Variants in KBTBD8 observed in about 807,000 individuals in gnomAD.
The protein encoded by KBTBD8 is kelch repeat and BTB domain containing 8, also known as kelch repeat and BTB domain-containing protein 8.
In KBTBD8, 31 loss-of-function variants were observed where a neutral mutation model predicts 53.5. The ratio of observed to expected loss-of-function variants is 0.58; its 90% CI spans 0.44 to 0.78. KBTBD8 has a LOEUF of 0.78. Ranked by LOEUF, KBTBD8 falls within the 30% of genes least tolerant of loss-of-function variation. The probability of loss-of-function intolerance (pLI) is 0.00; values close to 1 mark genes in which losing one functional copy is unlikely to be tolerated. For synonymous variants in KBTBD8, 250 were observed against 247.3 expected (o/e 1.01, Z -0.10); for missense variants, 642 against 735.8 (o/e 0.87, Z 1.48).
At position 66,999,127 on chromosome 3, in the gene KBTBD8, G is replaced by A; in HGVS notation, c.163G>A (p.Val55Met). Residue 55 changes from valine to methionine, a missense_variant, in exon 2 of 4, where the codon GTG becomes ATG. Coordinates refer to ENST00000417314, the MANE Select transcript of KBTBD8 (RefSeq NM_032505.3). ...EGQLTDIVVEVDHGKTFSCHR... is the reference protein window; with the variant it reads ...EGQLTDIVVEMDHGKTFSCHR... Reference sequence around the variant, plus strand: ...ACAGTTGACAGACATTGTAGTGGAAGTGGATCACGGGAAAACATTTTCCTG... The same window carrying A: ...ACAGTTGACAGACATTGTAGTGGAAATGGATCACGGGAAAACATTTTCCTG... 6.2e-7 allele frequency: 1 copy of A among 1,614,194 alleles called. No homozygotes were observed. Among genetic ancestry groups the A allele is most frequent in the Non-Finnish European group, 8.5e-7 (1 of 1,180,020 alleles).
At position 67,004,029 on chromosome 3, in the gene KBTBD8, TA is replaced by T; in HGVS notation, c.1064del (p.Lys355ArgfsTer27). On this transcript the variant is annotated frameshift_variant, in exon 3 of 4. Transcript: ENST00000417314. LOFTEE classifies it high-confidence loss of function. Reference sequence around the variant, plus strand: ...GCAGCAGTGAGGTCTCCATCGACCATAAGGCAGAAAATGATTTCTGGATGTA... The same window carrying T: ...GCAGCAGTGAGGTCTCCATCGACCATAGGCAGAAAATGATTTCTGGATGTA... ...PSSSEVSIDH[K>X]AENDFWMYDH... is the part of the protein sequence containing the mutation. 1 of 1,614,164 alleles carries T rather than the reference TA, an allele frequency of 6.2e-7. No individual in the cohort carries two copies. The highest frequency in any genetic ancestry group is 2.2e-5 in the East Asian group (1 of 44,878).
At chr3:67,000,507 T>A (rs1252308864) in intron 2 of KBTBD8, among the ~76,000 whole-genome samples, 1 of 152,196 alleles carries the variant, frequency 6.6e-6, no homozygotes, top group Non-Finnish European at 1.5e-5. Context: ...TCTGCATAGT[T>A]GTTGTTCCAT....
chr3:67,001,063 A>T (rs893401853), intron 2 of KBTBD8, among the ~76,000 whole-genome samples: 2 of 152,156 alleles, frequency 1.3e-5, no homozygotes, highest in Non-Finnish European at 2.9e-5. Flanking sequence ...GATTCCTTAA[A>T]ATCTTAAATT....
rs1701979648 is a variant in KBTBD8 at position 66,998,312 on chromosome 3, G to A, written c.-44G>A. ...AACCCGGGAGCTAGAGAAGCGAAAT[G>A]ACATTTCCTTTTTAAATAGCTGGAG... On this transcript the variant is annotated 5_prime_UTR_variant, in exon 1 of 4. An upstream start codon of the reference 5' UTR is lost. Coordinates refer to ENST00000417314, the MANE Select transcript of KBTBD8 (RefSeq NM_032505.3). 5 of 1,293,560 alleles carry A rather than the reference G, an allele frequency of 3.9e-6. No individual in the cohort carries two copies. In the East Asian group the frequency reaches 1.2e-4, roughly 32 times the overall value. The allele number at this position is 1,293,560 out of a possible 1,614,324, so 80.1% of individuals were successfully genotyped here.
intron 1 of KBTBD8, among the ~76,000 whole-genome samples, chr3:66,998,653 C>T (rs990907258): frequency 3.3e-5 from 5 of 152,212 alleles, no homozygotes; most frequent in African/African-American, 7.2e-5. Flanking sequence ...GAGCTTCCCT[C>T]GTGAGGCTCT....
chr3:67,004,427 T>C, intron 3 of KBTBD8, 118 bp downstream of exon 3: 1 of 937,602 alleles, frequency 1.1e-6, no homozygotes, highest in Non-Finnish European at 1.7e-6. Flanking sequence ...AGCTTCCTTA[T>C]CAAACTATTG....
rs1370711236 is a variant in KBTBD8 at position 67,009,349 on chromosome 3, A to G, written c.*964A>G. On this transcript the variant is annotated 3_prime_UTR_variant, in exon 4 of 4. Coordinates refer to ENST00000417314, the MANE Select transcript of KBTBD8 (RefSeq NM_032505.3). ...ACTAACATGGGCCATTTGTAGCCCAACCTTCTCTTCCATCTACCTGTCCAT... is the reference window on the plus strand; with the variant it reads ...ACTAACATGGGCCATTTGTAGCCCAGCCTTCTCTTCCATCTACCTGTCCAT... 1 of 152,622 alleles carries G rather than the reference A, an allele frequency of 6.6e-6. No homozygotes were observed. The highest frequency in any genetic ancestry group is 1.5e-5 in the Non-Finnish European group (1 of 68,016). The allele number at this position is 152,622 out of a possible 1,614,324, so 9.5% of individuals were successfully genotyped here.
rs758147319 is a variant in KBTBD8 at position 67,003,299 on chromosome 3, C to A, written c.332C>A (p.Ser111Tyr). The A allele has an allele frequency of 3.7e-6, 6 of 1,614,046 alleles. No homozygotes were observed. The highest frequency in any genetic ancestry group is 5.1e-6 in the Non-Finnish European group (6 of 1,180,028). Reference sequence around the variant, plus strand: ...TTAGTGTTGAACTATGCCTACACTTCCAGAGTTATTCTTACAGAGGCCAAT... The same window carrying A: ...TTAGTGTTGAACTATGCCTACACTTACAGAGTTATTCTTACAGAGGCCAAT... ...MDLVLNYAYT[S>Y]RVILTEANVQ... The change falls in exon 3 of 4, where the codon TCC (serine) becomes TAC (tyrosine). Residue 111 changes from serine to tyrosine, a missense_variant. Ser to Tyr is a moderately radical substitution (Grantham distance 144, BLOSUM62 -2). Coordinates refer to ENST00000417314, the MANE Select transcript of KBTBD8 (RefSeq NM_032505.3).
chr3:67,007,944 G>A lies in KBTBD8; in HGVS notation c.1365G>A (p.Glu455=), dbSNP rs1308184009. Residue 455 remains glutamate (E), a synonymous_variant, in exon 4 of 4, where the codon GAG becomes GAA. Transcript: ENST00000417314. ...VLQGEFFLFY[E]PQKDYWGFLT... The stretch of plus-strand genomic sequence containing the variant: ...TAGGAGAATTTTTTCTCTTCTATGA[G>A]CCTCAAAAAGACTACTGGGGTTTCT... The A allele has an allele frequency of 1.6e-5, 25 of 1,541,346 alleles. No homozygotes were observed. The Middle Eastern group carries it at 6.9e-4, about 43-fold the overall frequency.
chr3:67,006,289 C>A (rs1427819558), intron 3 of KBTBD8, among the ~76,000 whole-genome samples: 1 of 152,034 alleles, frequency 6.6e-6, no homozygotes, highest in Non-Finnish European at 1.5e-5. Flanking sequence ...AATGCAAATA[C>A]TAAAGCAAAC....
chr3:67,008,466 T>G lies in KBTBD8; in HGVS notation c.*81T>G. 1 of 991,630 alleles carries G rather than the reference T, an allele frequency of 1.0e-6. No individual in the cohort carries two copies. The highest frequency in any genetic ancestry group is 1.5e-6 in the Non-Finnish European group (1 of 678,376). 61.4% of individuals were successfully genotyped at this position (991,630 alleles called of 1,614,324 possible). A position where few individuals can be genotyped will look rare whatever the true frequency, so the allele number is the denominator to read the frequency against. On this transcript the variant is annotated 3_prime_UTR_variant, in exon 4 of 4. Transcript: ENST00000417314. Reference sequence around the variant, plus strand: ...TGATACAAAAGAGTGCTGACAGTATTTCAGAAAGCTGAGAGAGTTTTATAC... The same window carrying G: ...TGATACAAAAGAGTGCTGACAGTATGTCAGAAAGCTGAGAGAGTTTTATAC...
Position 67,008,533 on chromosome 3 carries a change from A to AT in KBTBD8, c.*152dup. 1 of 544,298 alleles carries AT rather than the reference A, an allele frequency of 1.8e-6. No homozygotes were observed. The highest frequency in any genetic ancestry group is 3.2e-6 in the Non-Finnish European group (1 of 312,656). 33.7% of individuals were successfully genotyped at this position (544,298 alleles called of 1,614,324 possible). A position where few individuals can be genotyped will look rare whatever the true frequency, so the allele number is the denominator to read the frequency against. ...CTTAAAGATTGCAGGGTAGGGAGGGATTTTCCTTCATCCTTGTGACATTTC... is the reference window on the plus strand; with the variant it reads ...CTTAAAGATTGCAGGGTAGGGAGGGATTTTTCCTTCATCCTTGTGACATTTC... On this transcript the variant is annotated 3_prime_UTR_variant, in exon 4 of 4. Coordinates refer to ENST00000417314, the MANE Select transcript of KBTBD8 (RefSeq NM_032505.3).
chr3:67,006,806 A>C (rs1246565153), intron 3 of KBTBD8, among the ~76,000 whole-genome samples: 2 of 152,252 alleles, frequency 1.3e-5, no homozygotes, highest in Admixed American at 1.3e-4. Context: ...CTTATGTTGT[A>C]CTATCTGTGG....
intron 3 of KBTBD8, among the ~76,000 whole-genome samples, chr3:67,005,771 G>T (rs1702059767): frequency 6.6e-6 from 1 of 151,660 alleles, no homozygotes; most frequent in African/African-American, 2.4e-5. Context: ...CGCCTCCTGG[G>T]TTCACATGAT....
chr3:67,001,735 G>T (rs1396802539), intron 2 of KBTBD8, among the ~76,000 whole-genome samples: 1 of 152,178 alleles, frequency 6.6e-6, no homozygotes, highest in African/African-American at 2.4e-5. Flanking sequence ...AATGTACATT[G>T]TAGAAGTAAA....
rs901416158 is a variant in KBTBD8 at position 66,999,198 on chromosome 3, T to C, written c.227+7T>C. On this transcript the variant is annotated splice_region_variant and intron_variant, in intron 2 of 3. Coordinates refer to ENST00000417314, the MANE Select transcript of KBTBD8 (RefSeq NM_032505.3). The stretch of plus-strand genomic sequence containing the variant: ...CAATCAGCCCTTACTTCAGGTATGA[T>C]GATGGTAGGAACTTCTGTTGGTATC... The C allele has an allele frequency of 6.2e-7, 1 of 1,612,026 alleles. No individual in the cohort carries two copies. Among genetic ancestry groups the C allele is most frequent in the Non-Finnish European group, 8.5e-7 (1 of 1,178,076 alleles).
chr3:67,008,379 A>G lies in KBTBD8; in HGVS notation c.1800A>G (p.Val600=), dbSNP rs1430986399. The G allele has an allele frequency of 6.2e-7, 1 of 1,600,440 alleles. No individual in the cohort carries two copies. The highest frequency in any genetic ancestry group is 1.7e-5 in the Admixed American group (1 of 59,558). The change falls in exon 4 of 4, where the codon GTA becomes GTG. Residue 600 remains valine, a synonymous_variant. Transcript: ENST00000417314. ...AKLYPQCLQK[V]L is the part of the protein sequence containing the mutation. The stretch of plus-strand genomic sequence containing the variant: ...TGTATCCTCAGTGTCTTCAGAAAGT[A>G]CTCTAAATGAGTAGCAGGCCTTAGT...
rs894206550 is a variant in KBTBD8, at chr3:67,008,737, T to C, written c.*352T>C. On this transcript the variant is annotated 3_prime_UTR_variant, in exon 4 of 4. Transcript: ENST00000417314. ...TATTATTGGGTAAAGACGTCTAAAC[T>C]TGTTTGATGTGACTTTTAATTTTAA... The C allele has an allele frequency of 4.1e-5, 8 of 195,078 alleles. No homozygotes were observed. Among genetic ancestry groups the C allele is most frequent in the African/African-American group, 1.9e-4 (8 of 43,038 alleles). 12.1% of individuals were successfully genotyped at this position (195,078 alleles called of 1,614,324 possible).
Position 67,003,461 on chromosome 3 carries a change from A to T in KBTBD8, c.494A>T (p.Gln165Leu). Residue 165 changes from glutamine (Q) to leucine (L), a missense_variant, in exon 3 of 4, where the codon CAG becomes CTG. Transcript: ENST00000417314. ...VFIFADHYGH[Q>L]ELGDRSKEYI... ...ATCTTTGCTGATCATTATGGTCATC[A>T]GGAACTCGGAGATCGATCAAAAGAA... The T allele has an allele frequency of 6.2e-7, 1 of 1,614,198 alleles. No homozygotes were observed. The highest frequency in any genetic ancestry group is 8.5e-7 in the Non-Finnish European group (1 of 1,180,016).
Sources: gnomAD v4.1 joint callset for allele counts (sites outside exome capture counted in the v4.1 genomes callset) on GRCh38, gnomAD v4.1.1 for gene constraint, MANE v1.5 for transcripts, NCBI Gene and HGNC (gene_info 2026-07-23, HGNC 2026-07-21) for gene names.